Variants in SUGCT observed in about 807,000 individuals in gnomAD.
SUGCT encodes the protein succinyl-CoA:glutarate-CoA transferase, also known as succinyl-CoA:glutarate CoA-transferase.
SUGCT carries 41 observed loss-of-function variants against 55.0 expected under a neutral mutation model. The ratio of observed to expected loss-of-function variants is 0.74; its 90% CI spans 0.58 to 0.97. The LOEUF (loss-of-function observed/expected upper bound fraction) is 0.97. Ranked by LOEUF, SUGCT falls within the 50% of genes least tolerant of loss-of-function variation. SUGCT has a pLI of 0.00. For missense variants in SUGCT, 568 were observed against 547.8 expected (o/e 1.04, Z -0.37); for synonymous variants, 187 against 200.4 (o/e 0.93, Z 0.56).
intron 9 of SUGCT, among the ~76,000 whole-genome samples, chr7:40,369,940 G>A (rs567057265): frequency 6.6e-6 from 1 of 152,112 alleles, no homozygotes; most frequent in Non-Finnish European, 1.5e-5. Context: ...TAGTGCTCGT[G>A]GGGAATGGTG....
chr7:40,655,029 T>C (rs896665039), intron 12 of SUGCT, among the ~76,000 whole-genome samples: 1 of 152,204 alleles, frequency 6.6e-6, no homozygotes, highest in Non-Finnish European at 1.5e-5. Context: ...GCTAGGTGAC[T>C]ATAATTATAG....
At chr7:40,898,514 G>C in the SUGCT span, among the ~76,000 whole-genome samples, 1 of 139,756 alleles carries the variant, frequency 7.2e-6, no homozygotes, top group Non-Finnish European at 1.6e-5. Flanking sequence ...ACGAGGTCAG[G>C]AGATCGAGAC....
intron 12 of SUGCT, among the ~76,000 whole-genome samples, chr7:40,739,586 A>C (rs989133122): frequency 6.6e-6 from 1 of 151,926 alleles, no homozygotes; most frequent in Non-Finnish European, 1.5e-5. Context: ...AATTTTTTAC[A>C]ATGTGAGCTT....
chr7:40,694,107 T>C (rs955154790), intron 12 of SUGCT, among the ~76,000 whole-genome samples: 1 of 152,246 alleles, frequency 6.6e-6, no homozygotes, highest in Non-Finnish European at 1.5e-5. Context: ...GATCTCTAGA[T>C]GTTGTAAAAC....
chr7:40,511,301 G>A (rs1364186658), intron 12 of SUGCT, among the ~76,000 whole-genome samples: 3 of 151,942 alleles, frequency 2.0e-5, no homozygotes, highest in Non-Finnish European at 4.4e-5. Context: ...CTTAAACTTA[G>A]GGACCATTGT....
At chr7:40,364,683 C>T (rs149942926) in intron 9 of SUGCT, among the ~76,000 whole-genome samples, 1,775 of 152,172 alleles carry the variant, frequency 0.012, 53 homozygotes, top group East Asian at 0.098. Flanking sequence ...CCAGTAGATC[C>T]GCTGTTAGTC....
chr7:40,512,054 A>G (rs1215454989), intron 12 of SUGCT, among the ~76,000 whole-genome samples: 1 of 152,186 alleles, frequency 6.6e-6, no homozygotes, highest in Non-Finnish European at 1.5e-5. Flanking sequence ...TACAAAACAG[A>G]TTTTTGCTAA....
intron 13 of SUGCT, among the ~76,000 whole-genome samples, chr7:40,802,731 A>C (rs1790889830): frequency 6.6e-6 from 1 of 152,174 alleles, no homozygotes; most frequent in Non-Finnish European, 1.5e-5. Flanking sequence ...CCATCCCTTG[A>C]GTCACATGTG....
chr7:40,734,048 A>G (rs1422964949), intron 12 of SUGCT, among the ~76,000 whole-genome samples: 4 of 152,224 alleles, frequency 2.6e-5, no homozygotes, highest in South Asian at 2.1e-4. Flanking sequence ...AAATAAGGAG[A>G]TGCCTTGTTG....
At chr7:40,802,547 T>C (rs1167882357) in intron 13 of SUGCT, among the ~76,000 whole-genome samples, 3 of 152,194 alleles carry the variant, frequency 2.0e-5, no homozygotes, top group African/African-American at 7.2e-5. Context: ...TTTAAAGCCA[T>C]GTAAACACCT....
chr7:40,563,104 C>T (rs1020893128), intron 12 of SUGCT, among the ~76,000 whole-genome samples: 6 of 152,142 alleles, frequency 3.9e-5, no homozygotes, highest in Admixed American at 3.9e-4. Context: ...GCACCTGAAG[C>T]GCTCTATGTC....
At chr7:40,631,458 T>G (rs2151809867) in intron 12 of SUGCT, among the ~76,000 whole-genome samples, 1 of 152,322 alleles carries the variant, frequency 6.6e-6, no homozygotes, top group African/African-American at 2.4e-5. Context: ...ATTCAACATT[T>G]GATGGTTTTC....
the SUGCT span, chr7:40,964,551 G>A: frequency 1.1e-4 from 17 of 152,198 alleles, no homozygotes; most frequent in African/African-American, 4.1e-4. Flanking sequence ...AGCTCACATA[G>A]TGAAAAGTAG....
At position 40,188,593 on chromosome 7, in the gene SUGCT, TC is replaced by T. The variant is rs1163690841; in HGVS notation, c.312+16del. On this transcript the variant is annotated intron_variant, in intron 4 of 13. Coordinates refer to ENST00000335693, the MANE Select transcript of SUGCT (RefSeq NM_001193313.2). ...CCGAAATAAAAAAGTAAGAATATCA[TC>T]CCTTTTTTGCTTTTTGTGTGTAATT... is the stretch of plus-strand genomic sequence containing the variant. The T allele has an allele frequency of 6.3e-7, 1 of 1,575,176 alleles. No individual in the cohort carries two copies. Among genetic ancestry groups the T allele is most frequent in the Admixed American group, 1.8e-5 (1 of 54,604 alleles).
At chr7:40,361,879 T>G (rs571490411) in intron 9 of SUGCT, among the ~76,000 whole-genome samples, 4 of 152,002 alleles carry the variant, frequency 2.6e-5, no homozygotes, top group Admixed American at 6.6e-5. Context: ...TTAAGAAATA[T>G]CCTGATGCCT....
At position 40,202,660 on chromosome 7, in the gene SUGCT, T is replaced by G. The variant is rs1446887222; in HGVS notation, c.484+7600T>G. Among the ~76,000 whole-genome samples the G allele has an allele frequency of 3.9e-5, 6 of 152,204 alleles. No individual in the cohort carries two copies. In the East Asian group the frequency reaches 1.2e-3, roughly 29 times the overall value. On this transcript the variant is annotated intron_variant, in intron 6 of 13. Transcript: ENST00000335693. Reference sequence around the variant, plus strand: ...TTGTAACCTGCAGTGGAGCCTTCTGTGTGCCTGAAGTTCTGTAGGTGGCTC... The same window carrying G: ...TTGTAACCTGCAGTGGAGCCTTCTGGGTGCCTGAAGTTCTGTAGGTGGCTC...
At chr7:40,734,918 A>T (rs550952343) in intron 12 of SUGCT, among the ~76,000 whole-genome samples, 1 of 152,198 alleles carries the variant, frequency 6.6e-6, no homozygotes, top group Non-Finnish European at 1.5e-5. Context: ...TGGGGAAGAG[A>T]GGACTAAATC....
chr7:40,454,553 C>T (rs1192123886), intron 10 of SUGCT, among the ~76,000 whole-genome samples: 1 of 151,968 alleles, frequency 6.6e-6, no homozygotes, highest in Non-Finnish European at 1.5e-5. Context: ...TTACTGCACT[C>T]AATACTATAG....
In SUGCT at chr7:40,354,783, C is replaced by A. The variant is rs138276176; in HGVS notation, c.816+37928C>A. 8.3e-3 allele frequency among the ~76,000 whole-genome samples: 1,266 copies of A among 152,230 alleles called. 16 individuals carry two copies. Among genetic ancestry groups the A allele is most frequent in the African/African-American group, 0.029 (1,204 of 41,530 alleles). Reference sequence around the variant, plus strand: ...GTATAGGAAGCAGGAAATGTGAAAGCAAAGTAGTAGCAGGAGATGAGGCTG... The same window carrying A: ...GTATAGGAAGCAGGAAATGTGAAAGAAAAGTAGTAGCAGGAGATGAGGCTG... On this transcript the variant is annotated intron_variant, in intron 9 of 13. Coordinates refer to ENST00000335693, the MANE Select transcript of SUGCT (RefSeq NM_001193313.2).
Sources: allele counts gnomAD v4.1 joint callset (sites outside exome capture counted in the v4.1 genomes callset), GRCh38; gene constraint gnomAD v4.1.1; transcripts MANE v1.5; gene names NCBI Gene and HGNC (gene_info 2026-07-23, HGNC 2026-07-21).